Variants in NOX3 observed in about 807,000 individuals in gnomAD.
The protein encoded by NOX3 is NADPH oxidase 3.
Under a neutral mutation model 76.7 loss-of-function variants are expected in NOX3, and 74 were observed. The observed-to-expected ratio is 0.96, with a 90% CI of 0.80 to 1.17. The LOEUF (loss-of-function observed/expected upper bound fraction) is 1.17, where lower values mean the gene tolerates loss of function less well. NOX3 is among the 50% of genes most tolerant of loss of function. The probability of loss-of-function intolerance (pLI) is 0.00; values close to 1 mark genes in which losing one functional copy is unlikely to be tolerated. For missense variants in NOX3, 695 were observed against 703.3 expected (o/e 0.99, Z 0.13); for synonymous variants, 263 against 261.1 (o/e 1.01, Z -0.07).
At chr6:155,437,372 T>C (rs576567497) in intron 6 of NOX3, among the ~76,000 whole-genome samples, 3 of 152,188 alleles carry the variant, frequency 2.0e-5, no homozygotes, top group Non-Finnish European at 4.4e-5. Context: ...CATGCTACTC[T>C]AGACTGAGAA....
At chr6:155,430,524 T>C (rs763290569) in intron 8 of NOX3, among the ~76,000 whole-genome samples, 2 of 152,052 alleles carry the variant, frequency 1.3e-5, no homozygotes, top group Non-Finnish European at 2.9e-5. Context: ...TTCAAGTCAC[T>C]ATGACCCATG....
intron 4 of NOX3, among the ~76,000 whole-genome samples, chr6:155,448,447 C>T (rs989005761): frequency 1.3e-5 from 2 of 152,002 alleles, no homozygotes; most frequent in African/African-American, 2.4e-5. Flanking sequence ...CTTGGAGGAC[C>T]GCAAGACACA....
chr6:155,415,607 C>T (rs148379453), intron 10 of NOX3, among the ~76,000 whole-genome samples: 86 of 152,302 alleles, frequency 5.6e-4, no homozygotes, highest in South Asian at 1.7e-3. Context: ...CCTATGAAGC[C>T]CATCTGCTGT....
At chr6:155,442,239 T>TG (rs1370607859) in intron 5 of NOX3, among the ~76,000 whole-genome samples, 17 of 152,030 alleles carry the variant, frequency 1.1e-4, no homozygotes, top group Non-Finnish European at 1.8e-4. Flanking sequence ...ACTCCAGCTC[T>TG]GGCAACAGAG....
intron 4 of NOX3, 135 bp from the exon 5 acceptor site, chr6:155,443,553 C>T (rs1304726751): frequency 4.8e-6 from 5 of 1,039,682 alleles, no homozygotes; most frequent in East Asian, 2.7e-5. Context: ...GATGTATTTA[C>T]ACATCTTTCC....
At chr6:155,438,081 G>A (rs985219447) in intron 6 of NOX3, among the ~76,000 whole-genome samples, 31 of 152,220 alleles carry the variant, frequency 2.0e-4, no homozygotes, top group African/African-American at 7.5e-4. Context: ...AATGCACCAG[G>A]GTGTGGATGT....
intron 11 of NOX3, among the ~76,000 whole-genome samples, chr6:155,410,498 T>C (rs1029719022): frequency 1.3e-5 from 2 of 152,212 alleles, no homozygotes; most frequent in African/African-American, 2.4e-5. Context: ...AATTCCCCTG[T>C]TTGAGGAGTT....
intron 10 of NOX3, 86 bp from the exon 11 acceptor site, chr6:155,411,446 T>G: frequency 7.4e-7 from 1 of 1,344,380 alleles, no homozygotes; most frequent in South Asian, 1.7e-5. Context: ...CATTAAATTA[T>G]TTGAGCCCAA....
intron 11 of NOX3, among the ~76,000 whole-genome samples, chr6:155,409,270 C>T (rs1245896495): frequency 6.6e-6 from 1 of 152,086 alleles, no homozygotes; most frequent in African/African-American, 2.4e-5. Flanking sequence ...AGAGAACGAG[C>T]AAAGCCATGG....
chr6:155,444,855 T>C (rs1777040746), intron 4 of NOX3, among the ~76,000 whole-genome samples: 1 of 152,196 alleles, frequency 6.6e-6, no homozygotes, highest in African/African-American at 2.4e-5. Context: ...CTACTCTATA[T>C]GTATATATAC....
chr6:155,405,882 G>C (rs9322522), intron 12 of NOX3, among the ~76,000 whole-genome samples: 3 of 152,116 alleles, frequency 2.0e-5, no homozygotes, highest in African/African-American at 7.2e-5. Context: ...TCACTCTACT[G>C]CTCAAACCTG....
At chr6:155,437,892 C>T (rs147259546) in intron 6 of NOX3, among the ~76,000 whole-genome samples, 10 of 152,310 alleles carry the variant, frequency 6.6e-5, no homozygotes, top group African/African-American at 1.2e-4. Flanking sequence ...AAATTGCTTT[C>T]GCTGTAAACA....
intron 4 of NOX3, 106 bp from the exon 5 acceptor site, chr6:155,443,524 G>T: frequency 7.4e-7 from 1 of 1,344,874 alleles, no homozygotes; most frequent in Non-Finnish European, 1.0e-6. Context: ...TCTGGTTTTT[G>T]TAATCTCCAA....
intron 7 of NOX3, 50 bp from the exon 8 acceptor site, chr6:155,430,985 C>T (rs1776825579): frequency 8.8e-7 from 1 of 1,142,788 alleles, no homozygotes; most frequent in Middle Eastern, 2.0e-4. Flanking sequence ...AAATAGAATC[C>T]AAATATTTTC....
At position 155,428,964 on chromosome 6, in the gene NOX3, C is replaced by A. The variant is rs1008748400; in HGVS notation, c.975G>T (p.Val325=). The change falls in exon 9 of 14, where the codon GTG becomes GTT. Residue 325 remains valine (V), a synonymous_variant. Coordinates refer to ENST00000159060, the MANE Select transcript of NOX3 (RefSeq NM_015718.3). ...CCAGCGAAGATATGGCTGGGCACTG[C>A]ACCAAGATGTACTGCCCTGGCGCCA... ...FKMAPGQYIL[V]QCPAISSLEW... 6.2e-7 allele frequency: 1 copy of A among 1,614,052 alleles called. No homozygotes were observed. The highest frequency in any genetic ancestry group is 1.3e-5 in the African/African-American group (1 of 75,038).
chr6:155,451,224 C>A (rs1264200110), intron 4 of NOX3, among the ~76,000 whole-genome samples: 1 of 152,136 alleles, frequency 6.6e-6, no homozygotes, highest in African/African-American at 2.4e-5. Context: ...GGTAATCCAC[C>A]CGCCCCGGCC....
intron 3 of NOX3, among the ~76,000 whole-genome samples, chr6:155,453,824 A>G (rs1016259): frequency 6.6e-6 from 1 of 151,916 alleles, no homozygotes; most frequent in Non-Finnish European, 1.5e-5. Flanking sequence ...AGGTAGTCTG[A>G]AAATTATTCC....
chr6:155,439,648 G>A (rs1244518543), intron 6 of NOX3, among the ~76,000 whole-genome samples: 2 of 152,142 alleles, frequency 1.3e-5, no homozygotes, highest in Non-Finnish European at 2.9e-5. Flanking sequence ...TAAATTGGAT[G>A]GCAGAACAGG....
chr6:155,413,877 TATAAAAAA>T, intron 10 of NOX3, among the ~76,000 whole-genome samples: 1 of 152,296 alleles, frequency 6.6e-6, no homozygotes, highest in Non-Finnish European at 1.5e-5. Flanking sequence ...ACATTTGCTT[TATAAAAAA>T]ATCCTCCAAT....
Sources: allele counts gnomAD v4.1 joint callset (sites outside exome capture counted in the v4.1 genomes callset), GRCh38; gene constraint gnomAD v4.1.1; transcripts MANE v1.5; gene names NCBI Gene and HGNC (gene_info 2026-07-23, HGNC 2026-07-21).